Variants in CLASRP observed in about 807,000 individuals in gnomAD.
The protein encoded by CLASRP is CLK4 associating serine/arginine rich protein.
Under a neutral mutation model 99.9 loss-of-function variants are expected in CLASRP, and 52 were observed. The observed-to-expected ratio is 0.52, with a 90% confidence interval of 0.42 to 0.66. The LOEUF is 0.66. Among genes scored for constraint, CLASRP ranks in the 30% least tolerant of loss-of-function variants. CLASRP has a pLI of 0.00. For missense variants in CLASRP, 848 were observed against 999.2 expected (o/e 0.85, Z 2.04); for synonymous variants, 379 against 373.0 (o/e 1.02, Z -0.18).
intron 5 of CLASRP, 95 bp from the exon 6 acceptor site, chr19:45,056,355 C>T: frequency 5.7e-6 from 6 of 1,053,148 alleles, no homozygotes; most frequent in Non-Finnish European, 8.8e-6. Context: ...ACTGGGGTTG[C>T]ACCTGTCTTC....
chr19:45,067,216 A>C lies in CLASRP; in HGVS notation c.1410-121A>C. On this transcript the variant is annotated intron_variant, in intron 13 of 20. Transcript: ENST00000221455. This position sits in a 1 kb window ranked among gnomAD's most constrained non-coding sequence, Gnocchi z 4.9. ...TTTGGAGGGAGAGTAGCAGGAGAGG[A>C]GAGTCGAGCCTGTCACCCTGGGCCT... 1 of 1,140,252 alleles carries C rather than the reference A, an allele frequency of 8.8e-7. No individual in the cohort carries two copies. Among genetic ancestry groups the C allele is most frequent in the Non-Finnish European group, 1.2e-6 (1 of 834,510 alleles). The allele number at this position is 1,140,252 out of a possible 1,614,324, so 70.6% of individuals were successfully genotyped here.
At chr19:45,069,391 C>G (rs2122619421) in intron 18 of CLASRP, 143 bp downstream of exon 18, 1 of 810,548 alleles carries the variant, frequency 1.2e-6, no homozygotes, top group East Asian at 2.7e-5. Context: ...CGGGGCTGTG[C>G]CCAGCTGCCT....
Position 45,059,366 on chromosome 19 carries a change from T to C in CLASRP, c.710+2T>C. 1 of 1,580,526 alleles carries C rather than the reference T, an allele frequency of 6.3e-7. No homozygotes were observed. The highest frequency in any genetic ancestry group is 8.6e-7 in the Non-Finnish European group (1 of 1,162,434). Reference sequence around the variant, plus strand: ...CATGGCCGACGGTGACTTCGTCAGGTGAGGCCTGCCTGCTGACACCCCTAC... The same window carrying C: ...CATGGCCGACGGTGACTTCGTCAGGCGAGGCCTGCCTGCTGACACCCCTAC... On this transcript the variant is annotated splice_donor_variant, in intron 8 of 20. Coordinates refer to ENST00000221455, the MANE Select transcript of CLASRP (RefSeq NM_007056.3). LOFTEE classifies it high-confidence loss of function.
At chr19:45,047,072 C>T (rs780584259) in intron 2 of CLASRP, among the ~76,000 whole-genome samples, 32 of 152,088 alleles carry the variant, frequency 2.1e-4, no homozygotes, top group Middle Eastern at 3.4e-3. Context: ...TACTTATACA[C>T]TTATGTTCAT....
intron 2 of CLASRP, among the ~76,000 whole-genome samples, chr19:45,051,139 G>C (rs534399330): frequency 6.6e-6 from 1 of 152,098 alleles, no homozygotes; most frequent in East Asian, 1.9e-4. Context: ...TCCCATGTGC[G>C]GATGCAGTCT....
chr19:45,055,376 G>A (rs1448372524), intron 5 of CLASRP, among the ~76,000 whole-genome samples: 1 of 152,214 alleles, frequency 6.6e-6, no homozygotes, highest in Non-Finnish European at 1.5e-5. Context: ...GGCCCGTGTG[G>A]CTGGAGCAGG....
chr19:45,051,960 T>C, intron 2 of CLASRP, 111 bp from the exon 3 acceptor site: 1 of 771,604 alleles, frequency 1.3e-6, no homozygotes, highest in Non-Finnish European at 2.2e-6. Flanking sequence ...AGAGTGAGGC[T>C]CCATCTCAAA....
chr19:45,066,607 A>G (rs1187674330), intron 13 of CLASRP, among the ~76,000 whole-genome samples: 2 of 141,356 alleles, frequency 1.4e-5, no homozygotes, highest in Non-Finnish European at 3.0e-5. Flanking sequence ...CCTGGGCGAC[A>G]GAGAGAGACT....
At chr19:45,053,051 G>A (rs1487141148) in intron 4 of CLASRP, 47 bp from the exon 5 acceptor site, 5 of 1,605,126 alleles carry the variant, frequency 3.1e-6, no homozygotes, top group Admixed American at 1.7e-5. Context: ...GCTTGGGGGG[G>A]GATCCACTCC....
At chr19:45,061,735 G>C (rs1255581650) in intron 10 of CLASRP, among the ~76,000 whole-genome samples, 1 of 151,942 alleles carries the variant, frequency 6.6e-6, no homozygotes, top group African/African-American at 2.4e-5. Context: ...CAGCCTCCCA[G>C]AGTGCTGGGA....
At chr19:45,039,264 A>G (rs948427322) in intron 1 of CLASRP, among the ~76,000 whole-genome samples, 156 bp downstream of exon 1, 1 of 151,394 alleles carries the variant, frequency 6.6e-6, no homozygotes, top group African/African-American at 2.4e-5. Context: ...GACGGGCCTC[A>G]GGCCGAGCCC....
At chr19:45,057,094 TCTC>T (rs1972133194) in intron 6 of CLASRP, among the ~76,000 whole-genome samples, 2 of 152,054 alleles carry the variant, frequency 1.3e-5, no homozygotes, top group Non-Finnish European at 2.9e-5. Context: ...ACTTCTCTCT[TCTC>T]CACCTCAGTC....
chr19:45,054,165 A>G (rs1913821721), intron 5 of CLASRP, among the ~76,000 whole-genome samples: 2 of 152,218 alleles, frequency 1.3e-5, no homozygotes, highest in African/African-American at 4.8e-5. Context: ...GGAGGTTTGG[A>G]TCCCAACAGA....
intron 11 of CLASRP, among the ~76,000 whole-genome samples, chr19:45,063,770 C>T (rs1966997305): frequency 6.6e-6 from 1 of 151,994 alleles, no homozygotes; most frequent in Non-Finnish European, 1.5e-5. Flanking sequence ...TTTTTCATAG[C>T]CACATAAAAT....
intron 5 of CLASRP, among the ~76,000 whole-genome samples, chr19:45,054,311 G>T (rs999086230): frequency 1.3e-5 from 2 of 152,084 alleles, no homozygotes; most frequent in Admixed American, 6.5e-5. Flanking sequence ...ATGCAGTGGC[G>T]CAATCTCAGC....
chr19:45,040,378 TA>T, intron 2 of CLASRP, 67 bp downstream of exon 2: 1 of 1,107,140 alleles, frequency 9.0e-7, no homozygotes, highest in Non-Finnish European at 1.4e-6. Flanking sequence ...GTCATCCTGG[TA>T]AAATCTGGGC....
At chr19:45,047,529 G>GAC (rs1971944680) in intron 2 of CLASRP, 1 of 151,464 alleles carries the variant, frequency 6.6e-6, no homozygotes, top group Non-Finnish European at 1.5e-5. Flanking sequence ...GTGCAAGGAT[G>GAC]ACACAAAAAT....
rs576901085 is a variant in CLASRP at position 45,068,391 on chromosome 19, C to G, written c.1708-29C>G. The G allele has an allele frequency of 3.8e-5, 51 of 1,331,930 alleles. 1 individual carries two copies. Among genetic ancestry groups the G allele is most frequent in the East Asian group, 3.2e-4 (14 of 43,574 alleles). 82.5% of individuals were successfully genotyped at this position (1,331,930 alleles called of 1,614,324 possible). The stretch of plus-strand genomic sequence containing the variant: ...GTGGGAGCTCTGGGACACCCACCCC[C>G]TCTCCCGCCTCTTCTCCCCCCTCCC... On this transcript the variant is annotated intron_variant, in intron 15 of 20. Coordinates refer to ENST00000221455, the MANE Select transcript of CLASRP (RefSeq NM_007056.3).
At position 45,070,725 on chromosome 19, in the gene CLASRP, T is replaced by A. The variant is rs1967222624; in HGVS notation, c.1983-78T>A. 5 of 1,358,556 alleles carry A rather than the reference T, an allele frequency of 3.7e-6. No homozygotes were observed. The South Asian group carries it at 5.8e-5, about 16-fold the overall frequency. 84.2% of individuals were successfully genotyped at this position (1,358,556 alleles called of 1,614,324 possible). ...TTCCCTCCACAGACAAGTGCCCCGA[T>A]CACTGAAGCATCCACGGCCCCAGGT... is the stretch of plus-strand genomic sequence containing the variant. On this transcript the variant is annotated intron_variant, in intron 20 of 20. Transcript: ENST00000221455.
Sources: allele counts gnomAD v4.1 joint callset (sites outside exome capture counted in the v4.1 genomes callset), GRCh38; gene constraint gnomAD v4.1.1; non-coding constraint Gnocchi (gnomAD v3.1); transcripts MANE v1.5; gene names NCBI Gene and HGNC (gene_info 2026-07-23, HGNC 2026-07-21).